Variants in FAM81A observed in about 807,000 individuals in gnomAD.
FAM81A encodes the protein family with sequence similarity 81 member A.
FAM81A carries 19 observed loss-of-function variants against 46.7 expected under a neutral mutation model. The observed-to-expected ratio is 0.41, with a 90% CI of 0.28 to 0.60. The LOEUF (loss-of-function observed/expected upper bound fraction) is 0.60, where lower values mean the gene tolerates loss of function less well. Ranked by LOEUF, FAM81A falls within the 20% of genes least tolerant of loss-of-function variation. The pLI is 0.34. For synonymous variants in FAM81A, 183 were observed against 152.9 expected, an observed-to-expected ratio of 1.20 and a Z score of -1.45; for missense variants, 377 against 453.5, an observed-to-expected ratio of 0.83 and a Z score of 1.53.
At chr15:59,457,195 A>G (rs1184348217) in intron 1 of FAM81A, among the ~76,000 whole-genome samples, 10 of 152,194 alleles carry the variant, frequency 6.6e-5, no homozygotes, top group South Asian at 6.2e-4. Flanking sequence ...GAAATAAACA[A>G]TTCATAAGTT....
In FAM81A at chr15:59,523,533, G is replaced by T. The variant is rs917247959; in HGVS notation, c.*2155G>T. On this transcript the variant is annotated 3_prime_UTR_variant, in exon 9 of 9. Transcript: ENST00000288228. ...CTTTACCAGAAATTTGCAATAAAAA[G>T]AAAAATAAAATTTTCACATAAATGT... The T allele has an allele frequency of 4.6e-5, 7 of 152,152 alleles. No individual in the cohort carries two copies. Among genetic ancestry groups the T allele is most frequent in the Non-Finnish European group, 8.8e-5 (6 of 68,020 alleles). 9.4% of individuals were successfully genotyped at this position (152,152 alleles called of 1,614,324 possible).
At chr15:59,403,617 T>C (rs1184333763) in intron 2 of FAM81A, among the ~76,000 whole-genome samples, 1 of 152,172 alleles carries the variant, frequency 6.6e-6, no homozygotes, top group Admixed American at 6.5e-5. Flanking sequence ...GTTCCTCTGG[T>C]TATTTTATGG....
chr15:59,424,562 C>T (rs142037797), intron 2 of FAM81A, among the ~76,000 whole-genome samples: 130 of 152,320 alleles, frequency 8.5e-4, no homozygotes, highest in African/African-American at 3.0e-3. Context: ...ACATACTTGA[C>T]AAGTCCAAAA....
intron 3 of FAM81A, among the ~76,000 whole-genome samples, chr15:59,484,242 A>G (rs1479797617): frequency 6.6e-6 from 1 of 152,252 alleles, no homozygotes; most frequent in Non-Finnish European, 1.5e-5. Flanking sequence ...CAAGTGTCAC[A>G]TAAAATTTCT....
At chr15:59,478,140 C>T (rs2081797165) in intron 3 of FAM81A, among the ~76,000 whole-genome samples, 1 of 152,114 alleles carries the variant, frequency 6.6e-6, no homozygotes, top group African/African-American at 2.4e-5. Context: ...TTTGGACCCC[C>T]ATGTCTTTTT....
chr15:59,492,254 T>C lies in FAM81A; in HGVS notation c.295-17T>C, dbSNP rs2081989175. On this transcript the variant is annotated splice_polypyrimidine_tract_variant and intron_variant, in intron 3 of 8. Coordinates refer to ENST00000288228, the MANE Select transcript of FAM81A (RefSeq NM_152450.3). The stretch of plus-strand genomic sequence containing the variant: ...GAATTCTTAGATGACTCCCTTAGTG[T>C]TTTTTATGTTGCCCAGGTACTCCAG... The C allele has an allele frequency of 6.3e-7, 1 of 1,585,560 alleles. No individual in the cohort carries two copies. Among genetic ancestry groups the C allele is most frequent in the South Asian group, 1.1e-5 (1 of 88,632 alleles).
At chr15:59,417,199 GAATACC>G (rs2081150349) in intron 2 of FAM81A, among the ~76,000 whole-genome samples, 1 of 152,156 alleles carries the variant, frequency 6.6e-6, no homozygotes, top group Admixed American at 6.5e-5. Flanking sequence ...GATGCGTGCT[GAATACC>G]CAGGCTGTGC....
At chr15:59,445,716 A>G (rs1224346459) in intron 1 of FAM81A, 2 of 152,234 alleles carry the variant, frequency 1.3e-5, no homozygotes, top group Non-Finnish European at 2.9e-5. Context: ...TTCTGTCTGT[A>G]TGAGAGCACA....
chr15:59,449,768 C>T (rs1467251588), intron 1 of FAM81A, among the ~76,000 whole-genome samples: 4 of 102,586 alleles, frequency 3.9e-5, no homozygotes, highest in Non-Finnish European at 5.2e-5. Flanking sequence ...GGCGACAGAG[C>T]GAGACTCTGT....
intron 3 of FAM81A, among the ~76,000 whole-genome samples, chr15:59,475,430 G>A (rs1269450225): frequency 1.3e-5 from 2 of 152,200 alleles, no homozygotes; most frequent in Non-Finnish European, 2.9e-5. Context: ...ATAGGCATGA[G>A]CCACCATGCC....
chr15:59,449,721 G>C lies in FAM81A; in HGVS notation c.-77-8829G>C, dbSNP rs2081394178. On this transcript the variant is annotated intron_variant, in intron 1 of 8. Coordinates refer to ENST00000288228, the MANE Select transcript of FAM81A (RefSeq NM_152450.3). ...GGCGTGAACCCGGGAAGCGGAGCTTGCAGTGAGCCGAGATCGCGCCACTGC... is the reference window on the plus strand; with the variant it reads ...GGCGTGAACCCGGGAAGCGGAGCTTCCAGTGAGCCGAGATCGCGCCACTGC... Among the ~76,000 whole-genome samples the C allele has an allele frequency of 1.5e-5, 2 of 132,728 alleles. 1 individual carries two copies. Among genetic ancestry groups the C allele is most frequent in the South Asian group, 4.8e-4 (2 of 4,124 alleles). The allele number at this position is 132,728 out of a possible 152,430, so 87.1% of individuals were successfully genotyped here.
In FAM81A at chr15:59,514,297, G is replaced by T. The variant is rs111778770; in HGVS notation, c.659G>T (p.Gly220Val). The change falls in exon 7 of 9, where the codon GGT (glycine) becomes GTT (valine). Residue 220 changes from glycine to valine, a missense_variant. By Grantham distance (109) the Gly-to-Val change is moderately radical. Coordinates refer to ENST00000288228, the MANE Select transcript of FAM81A (RefSeq NM_152450.3). ...QLQLLDTKFK[G>V]TVEELSNQIL... ...CAATTTTTTTTTTTTAGATTTAAAG[G>T]TACAGTTGAGGAACTCAGTAACCAG... 16,304 of 1,588,934 alleles carry T rather than the reference G, an allele frequency of 0.01. 110 individuals are homozygous for T. Among genetic ancestry groups the T allele is most frequent in the Middle Eastern group, 0.018 (104 of 5,930 alleles).
intron 8 of FAM81A, among the ~76,000 whole-genome samples, chr15:59,517,483 T>G (rs1159342264): frequency 2.0e-5 from 3 of 152,176 alleles, no homozygotes; most frequent in Non-Finnish European, 4.4e-5. Context: ...GCTTGAGAGC[T>G]CTTTGTTACA....
At chr15:59,505,229 G>A (rs112460712) in intron 4 of FAM81A, among the ~76,000 whole-genome samples, 4,720 of 152,210 alleles carry the variant, frequency 0.031, 93 homozygotes, top group Non-Finnish European at 0.041. Flanking sequence ...ATTAAGACAA[G>A]GGCTGGGCGC....
chr15:59,446,681 G>A (rs569719309), intron 1 of FAM81A: 1 of 152,284 alleles, frequency 6.6e-6, no homozygotes, highest in African/African-American at 2.4e-5. Flanking sequence ...CCCATGGAGG[G>A]ACTTGCAGTT....
chr15:59,475,382 C>A (rs2081753528), intron 3 of FAM81A, among the ~76,000 whole-genome samples: 1 of 152,008 alleles, frequency 6.6e-6, no homozygotes, highest in Non-Finnish European at 1.5e-5. Context: ...CCTCAAGTGA[C>A]CAACCAGTTA....
chr15:59,496,685 C>G (rs553437507), intron 4 of FAM81A, among the ~76,000 whole-genome samples: 1 of 152,174 alleles, frequency 6.6e-6, no homozygotes, highest in African/African-American at 2.4e-5. Context: ...CATTGATTCT[C>G]AATTATTTTC....
intron 6 of FAM81A, 49 bp from the exon 7 acceptor site, chr15:59,514,240 A>T (rs2082243581): frequency 8.8e-6 from 13 of 1,485,542 alleles, no homozygotes; most frequent in African/African-American, 1.4e-5. Flanking sequence ...AAATAAAAAA[A>T]ATAAAAAATA....
intron 1 of FAM81A, among the ~76,000 whole-genome samples, chr15:59,441,188 G>A (rs532263842): frequency 5.3e-5 from 8 of 152,194 alleles, no homozygotes; most frequent in Admixed American, 3.3e-4. Context: ...GGAACTGGCT[G>A]CATTTGTTAT....
Sources: allele counts gnomAD v4.1 joint callset (sites outside exome capture counted in the v4.1 genomes callset), GRCh38; gene constraint gnomAD v4.1.1; transcripts MANE v1.5; gene names NCBI Gene and HGNC (gene_info 2026-07-23, HGNC 2026-07-21).